SOBP: variants seen among roughly 807,000 people sequenced by gnomAD.
SOBP encodes the protein sine oculis-binding protein homolog.
A neutral mutation model predicts 53.6 loss-of-function variants in SOBP; 4 were observed. That is an observed-to-expected ratio of 0.07 (90% CI 0.04 to 0.17). SOBP has a LOEUF of 0.17. Ranked by LOEUF, SOBP falls within the 10% of genes least tolerant of loss-of-function variation. SOBP has a pLI of 1.00. For synonymous variants in SOBP, 584 were observed against 522.6 expected (o/e 1.12, Z -1.60); for missense variants, 1,088 against 1,204.7 (o/e 0.90, Z 1.43).
At chr6:107,528,580 C>T (rs923496634) in intron 3 of SOBP, among the ~76,000 whole-genome samples, 2 of 152,172 alleles carry the variant, frequency 1.3e-5, no homozygotes, top group African/African-American at 4.8e-5. Context: ...AGGCTTGCAC[C>T]GTGGGCCTTT....
chr6:107,620,206 G>T (rs1305784020), intron 5 of SOBP, among the ~76,000 whole-genome samples: 2 of 152,148 alleles, frequency 1.3e-5, no homozygotes, highest in Non-Finnish European at 2.9e-5. Flanking sequence ...GATTTAGCAC[G>T]AGGCCGTTAA....
At chr6:107,571,764 CTA>C (rs1042158585) in intron 4 of SOBP, among the ~76,000 whole-genome samples, 61 of 152,300 alleles carry the variant, frequency 4.0e-4, no homozygotes, top group African/African-American at 1.4e-3. Flanking sequence ...ACTGCCTTGT[CTA>C]TATCATTTAT....
intron 4 of SOBP, among the ~76,000 whole-genome samples, chr6:107,548,259 T>G (rs1784358802): frequency 7.7e-6 from 1 of 130,682 alleles, no homozygotes; most frequent in African/African-American, 3.6e-5. Flanking sequence ...TTTCTTTTTG[T>G]TTTTTTTTTT....
intron 4 of SOBP, among the ~76,000 whole-genome samples, chr6:107,558,457 C>G (rs552631171): frequency 6.6e-6 from 1 of 151,382 alleles, no homozygotes; most frequent in African/African-American, 2.4e-5. Flanking sequence ...TTAGTAGAGA[C>G]GGGGGTTTCA....
chr6:107,622,005 C>T (rs952955909), intron 5 of SOBP, among the ~76,000 whole-genome samples: 3 of 152,044 alleles, frequency 2.0e-5, no homozygotes, highest in African/African-American at 7.2e-5. Flanking sequence ...TTTAAAATAA[C>T]AGATTTAACA....
At chr6:107,579,464 C>T (rs1254545225) in intron 4 of SOBP, among the ~76,000 whole-genome samples, 1 of 152,142 alleles carries the variant, frequency 6.6e-6, no homozygotes, top group Non-Finnish European at 1.5e-5. Context: ...TTTTCAGAAC[C>T]GCTTAAGCAA....
At chr6:107,509,811 C>A (rs1406150910) in intron 3 of SOBP, 1 of 152,192 alleles carries the variant, frequency 6.6e-6, no homozygotes, top group African/African-American at 2.4e-5. Context: ...AGTAACTGAA[C>A]ACCAGTGGTT....
intron 3 of SOBP, chr6:107,509,906 C>G (rs953813562): frequency 1.3e-5 from 2 of 152,126 alleles, no homozygotes; most frequent in African/African-American, 4.8e-5. Context: ...GTTTAATTTT[C>G]TATCTCCGCT....
chr6:107,618,190 C>G (rs1345042353), intron 5 of SOBP, among the ~76,000 whole-genome samples: 1 of 152,260 alleles, frequency 6.6e-6, no homozygotes, highest in South Asian at 2.1e-4. Context: ...GGGTAAATGA[C>G]TGTACAGTGT....
rs10685353 is a variant in SOBP at position 107,599,610 on chromosome 6, G to GAAAAA, written c.669+12444_669+12448dup. Among the ~76,000 whole-genome samples the GAAAAA allele has an allele frequency of 3.7e-3, 518 of 138,594 alleles. 6 individuals carry two copies. Among genetic ancestry groups the GAAAAA allele is most frequent in the African/African-American group, 0.01 (397 of 38,440 alleles). The allele number at this position is 138,594 out of a possible 152,430, so 90.9% of individuals were successfully genotyped here. ...TGGATTAACATAAGATGATTTTTGA[G>GAAAAA]AAAAAAAAAAAAAGGTTGCTAGCTC... On this transcript the variant is annotated intron_variant, in intron 5 of 6. Coordinates refer to ENST00000317357, the MANE Select transcript of SOBP (RefSeq NM_018013.4).
chr6:107,624,099 C>T (rs1283957818), intron 5 of SOBP, among the ~76,000 whole-genome samples: 1 of 152,122 alleles, frequency 6.6e-6, no homozygotes, highest in Admixed American at 6.5e-5. Context: ...AGCATATGCA[C>T]AGAGGAAAGA....
chr6:107,512,236 C>G (rs1051662880), intron 3 of SOBP, among the ~76,000 whole-genome samples: 2 of 152,176 alleles, frequency 1.3e-5, no homozygotes, highest in Non-Finnish European at 2.9e-5. Flanking sequence ...AATATGTCAG[C>G]AAGAATTTTG....
At chr6:107,630,062 CAATCTA>C (rs1218261633) in intron 5 of SOBP, among the ~76,000 whole-genome samples, 3 of 152,186 alleles carry the variant, frequency 2.0e-5, no homozygotes, top group African/African-American at 7.2e-5. Context: ...AGCCTCTGTC[CAATCTA>C]GGACCTGTTA....
chr6:107,642,343 G>A (rs769034585), intron 6 of SOBP, among the ~76,000 whole-genome samples: 8 of 152,144 alleles, frequency 5.3e-5, no homozygotes, highest in Non-Finnish European at 1.0e-4. Context: ...AAGGGTCATC[G>A]AAAAGATTCT....
intron 5 of SOBP, among the ~76,000 whole-genome samples, chr6:107,619,771 C>A (rs1370495690): frequency 6.6e-6 from 1 of 152,108 alleles, no homozygotes; most frequent in Non-Finnish European, 1.5e-5. Flanking sequence ...AAGACAAGGC[C>A]TCCCAGCCCT....
rs555793139 is a variant in SOBP, at chr6:107,496,575, G to A, written c.96+5863G>A. Among the ~76,000 whole-genome samples, 30 of 152,264 alleles carry A rather than the reference G, an allele frequency of 2.0e-4. No homozygotes were observed. In the South Asian group the frequency reaches 2.3e-3, roughly 12 times the overall value. ...TTAGTGTTAATGATATGTCCTCTGC[G>A]TTAAAATCATTGTGTTGTGGCTAAG... On this transcript the variant is annotated intron_variant, in intron 1 of 6. Coordinates refer to ENST00000317357, the MANE Select transcript of SOBP (RefSeq NM_018013.4).
chr6:107,573,873 A>T (rs1379195815), intron 4 of SOBP, among the ~76,000 whole-genome samples: 1 of 152,230 alleles, frequency 6.6e-6, no homozygotes, highest in African/African-American at 2.4e-5. Flanking sequence ...AGAGCTTTCA[A>T]GGGACCATTT....
intron 6 of SOBP, among the ~76,000 whole-genome samples, chr6:107,647,618 T>G (rs1029761662): frequency 2.6e-5 from 4 of 152,218 alleles, no homozygotes; most frequent in Non-Finnish European, 5.9e-5. Flanking sequence ...ATTCCAGAAA[T>G]TCTCATAAAA....
chr6:107,598,866 T>A (rs1786045044), intron 5 of SOBP, among the ~76,000 whole-genome samples: 1 of 152,222 alleles, frequency 6.6e-6, no homozygotes, highest in African/African-American at 2.4e-5. Flanking sequence ...TCAAGCCAAT[T>A]TTCCTGTAAA....
Sources: gnomAD v4.1 joint callset for allele counts (sites outside exome capture counted in the v4.1 genomes callset) on GRCh38, gnomAD v4.1.1 for gene constraint, MANE v1.5 for transcripts, NCBI Gene and HGNC (gene_info 2026-07-23, HGNC 2026-07-21) for gene names.